UTP25: variants seen among roughly 807,000 people sequenced by gnomAD.
UTP25 encodes the protein UTP25 small subunit processome component, also known as U3 small nucleolar RNA-associated protein 25 homolog.
Under a neutral mutation model 78.9 loss-of-function variants are expected in UTP25, and 50 were observed. The observed-to-expected ratio is 0.63, with a 90% CI of 0.50 to 0.80. The LOEUF is 0.80. Among genes scored for constraint, UTP25 ranks in the 30% least tolerant of loss-of-function variants. The pLI is 0.00. For synonymous variants in UTP25, 329 were observed against 336.5 expected (o/e 0.98, Z 0.24); for missense variants, 846 against 911.3 (o/e 0.93, Z 0.92).
At chr1:209,828,371 C>T (rs943337511) in intron 1 of UTP25, among the ~76,000 whole-genome samples, 3 of 150,684 alleles carry the variant, frequency 2.0e-5, no homozygotes, top group East Asian at 1.9e-4. Context: ...TAATTTCCTG[C>T]TAAGAGGCAC....
chr1:209,845,863 C>CA, intron 11 of UTP25, among the ~76,000 whole-genome samples: 1 of 111,522 alleles, frequency 9.0e-6, no homozygotes, highest in South Asian at 2.7e-4. Context: ...TTTTCTTTTT[C>CA]TTTTTTTTTT....
At chr1:209,843,746 A>G in intron 11 of UTP25, 50 bp downstream of exon 11, 1 of 1,585,350 alleles carries the variant, frequency 6.3e-7, no homozygotes, top group Non-Finnish European at 8.6e-7. Context: ...GAGGTGCAGG[A>G]CAAATCATGG....
At position 209,830,223 on chromosome 1, in the gene UTP25, G is replaced by C. The variant is rs1255916263; in HGVS notation, c.147+76G>C. ...AAGATTATATCTAATAATAAAGCTT[G>C]ATTACATTTCTATTCCTTTTGATTT... On this transcript the variant is annotated intron_variant, in intron 2 of 11. Coordinates refer to ENST00000491415, the MANE Select transcript of UTP25 (RefSeq NM_014388.7). 48 of 1,298,836 alleles carry C rather than the reference G, an allele frequency of 3.7e-5. 1 individual carries two copies. The South Asian group carries it at 6.4e-4, about 17-fold the overall frequency. The allele number at this position is 1,298,836 out of a possible 1,614,324, so 80.5% of individuals were successfully genotyped here. A position where few individuals can be genotyped will look rare whatever the true frequency, so the allele number is the denominator to read the frequency against.
At chr1:209,839,632 A>G (rs1192238643) in intron 7 of UTP25, among the ~76,000 whole-genome samples, 2 of 152,238 alleles carry the variant, frequency 1.3e-5, no homozygotes, top group East Asian at 1.9e-4. Flanking sequence ...TTCAGCTCCC[A>G]TTGACTTTGG....
At position 209,856,588 on chromosome 1, in the gene UTP25, A is replaced by C. The variant is rs1263392756; in HGVS notation, c.*5141A>C. 6.6e-6 allele frequency: 1 copy of C among 152,266 alleles called. No individual in the cohort carries two copies. Among genetic ancestry groups the C allele is most frequent in the Non-Finnish European group, 1.5e-5 (1 of 68,056 alleles). The allele number at this position is 152,266 out of a possible 1,614,324, so 9.4% of individuals were successfully genotyped here. A position where few individuals can be genotyped will look rare whatever the true frequency, so the allele number is the denominator to read the frequency against. Reference sequence around the variant, plus strand: ...CATGGTATTCCTGTGCACTACTGTTACGTGAACACACAAACACCTAATTTG... The same window carrying C: ...CATGGTATTCCTGTGCACTACTGTTCCGTGAACACACAAACACCTAATTTG... On this transcript the variant is annotated 3_prime_UTR_variant, in exon 12 of 12. Transcript: ENST00000491415.
At chr1:209,828,756 C>T (rs199801322) in intron 1 of UTP25, among the ~76,000 whole-genome samples, 5 of 97,798 alleles carry the variant, frequency 5.1e-5, no homozygotes, top group East Asian at 2.6e-4. Flanking sequence ...TGTAGACACA[C>T]ATATATATAT....
At chr1:209,835,265 C>T in intron 5 of UTP25, 102 bp downstream of exon 5, 1 of 927,724 alleles carries the variant, frequency 1.1e-6, no homozygotes, top group Non-Finnish European at 1.7e-6. Context: ...TATACACCTG[C>T]AGTAGATGGC....
chr1:209,835,918 T>C (rs2078130169), intron 5 of UTP25, among the ~76,000 whole-genome samples: 1 of 152,214 alleles, frequency 6.6e-6, no homozygotes, highest in South Asian at 2.1e-4. Flanking sequence ...TGTGCCTATA[T>C]TTATATACAA....
In UTP25 at chr1:209,833,187, G is replaced by A. The variant is rs772802932; in HGVS notation, c.391G>A (p.Val131Ile). Residue 131 changes from valine to isoleucine, a missense_variant and splice_region_variant, in exon 4 of 12, where the codon GTA becomes ATA. Val to Ile is a conservative substitution (Grantham distance 29). Transcript: ENST00000491415. ...TAAAATGTTTCTCAAAACTGCAGAT[G>A]TAGCTTTATCTGCTGACCCTGAGGG... ...AAESTESPENVALSADPEGKE... is the reference protein window; with the variant it reads ...AAESTESPENIALSADPEGKE... 2 of 1,611,840 alleles carry A rather than the reference G, an allele frequency of 1.2e-6. No homozygotes were observed. Among genetic ancestry groups the A allele is most frequent in the Non-Finnish European group, 1.7e-6 (2 of 1,179,278 alleles).
chr1:209,844,997 C>T (rs1173425904), intron 11 of UTP25, among the ~76,000 whole-genome samples: 1 of 152,178 alleles, frequency 6.6e-6, no homozygotes, highest in Non-Finnish European at 1.5e-5. Context: ...AACAGATACG[C>T]CAGAAATCTC....
rs181740969 is a variant in UTP25 at position 209,839,884 on chromosome 1, C to T, written c.1282+756C>T. 5.0e-4 allele frequency among the ~76,000 whole-genome samples: 76 copies of T among 152,242 alleles called. 1 individual carries two copies. Among genetic ancestry groups the T allele is most frequent in the Non-Finnish European group, 4.9e-4 (33 of 68,020 alleles). ...TTCTCGGAGCATTTAAAGCAAACCC[C>T]CTTACCCAAAATGGGGGCAGGGTGG... is the stretch of plus-strand genomic sequence containing the variant. On this transcript the variant is annotated intron_variant, in intron 7 of 11. Coordinates refer to ENST00000491415, the MANE Select transcript of UTP25 (RefSeq NM_014388.7).
chr1:209,845,129 G>A (rs954194858), intron 11 of UTP25, among the ~76,000 whole-genome samples: 3 of 152,220 alleles, frequency 2.0e-5, no homozygotes, highest in African/African-American at 7.2e-5. Flanking sequence ...GGAGGGAGGC[G>A]TCCCAGCAGC....
At chr1:209,837,724 G>C (rs1328873611) in intron 6 of UTP25, among the ~76,000 whole-genome samples, 1 of 152,216 alleles carries the variant, frequency 6.6e-6, no homozygotes, top group African/African-American at 2.4e-5. Flanking sequence ...ATTTGCCACT[G>C]TAAAGTTATT....
intron 3 of UTP25, among the ~76,000 whole-genome samples, chr1:209,831,283 T>G (rs577235524): frequency 6.6e-6 from 1 of 152,338 alleles, no homozygotes; most frequent in African/African-American, 2.4e-5. Flanking sequence ...TCAGTACTAG[T>G]GAAAGACCTC....
intron 1 of UTP25, among the ~76,000 whole-genome samples, chr1:209,829,451 C>T (rs988639877): frequency 1.3e-5 from 2 of 151,890 alleles, no homozygotes; most frequent in Non-Finnish European, 2.9e-5. Context: ...GCTGCTTTGT[C>T]ATCAGTTAGG....
chr1:209,832,472 A>G (rs1280765050), intron 3 of UTP25, among the ~76,000 whole-genome samples: 1 of 152,184 alleles, frequency 6.6e-6, no homozygotes, highest in Non-Finnish European at 1.5e-5. Context: ...GCTGCTTTGA[A>G]CATCCTCTCA....
At position 209,838,905 on chromosome 1, in the gene UTP25, A is replaced by G. The variant is rs760337258; in HGVS notation, c.1063-4A>G. ...CACTAAGGCTGCTGTTGCTGTCTGC[A>G]CAGGTACTGATAGTGGTGCCATTCC... On this transcript the variant is annotated splice_polypyrimidine_tract_variant and splice_region_variant and intron_variant, in intron 6 of 11. Coordinates refer to ENST00000491415, the MANE Select transcript of UTP25 (RefSeq NM_014388.7). 1.2e-6 allele frequency: 2 copies of G among 1,613,916 alleles called. No homozygotes were observed. Among genetic ancestry groups the G allele is most frequent in the Non-Finnish European group, 8.5e-7 (1 of 1,179,950 alleles).
Position 209,853,884 on chromosome 1 carries a change from T to A in UTP25, c.*2437T>A. ...TGGCATAGAGCCAAACCCAGCCAACTGCTTCTTGCCTGCAGAGAACACTGA... is the reference window on the plus strand; with the variant it reads ...TGGCATAGAGCCAAACCCAGCCAACAGCTTCTTGCCTGCAGAGAACACTGA... On this transcript the variant is annotated 3_prime_UTR_variant, in exon 12 of 12. Coordinates refer to ENST00000491415, the MANE Select transcript of UTP25 (RefSeq NM_014388.7). 6.6e-6 allele frequency: 1 copy of A among 152,228 alleles called. No individual in the cohort carries two copies. Among genetic ancestry groups the A allele is most frequent in the East Asian group, 1.9e-4 (1 of 5,196 alleles). 9.4% of individuals were successfully genotyped at this position (152,228 alleles called of 1,614,324 possible).
At chr1:209,842,791 A>G (rs768109476) in intron 10 of UTP25, 96 bp downstream of exon 10, 205 of 818,696 alleles carry the variant, frequency 2.5e-4, no homozygotes, top group Non-Finnish European at 3.8e-4. Flanking sequence ...GCTTTTATTG[A>G]TAACTACCAA....
Sources: allele counts gnomAD v4.1 joint callset (sites outside exome capture counted in the v4.1 genomes callset), GRCh38; gene constraint gnomAD v4.1.1; transcripts MANE v1.5; gene names NCBI Gene and HGNC (gene_info 2026-07-23, HGNC 2026-07-21).